FRMPD4: variants seen among roughly 807,000 people sequenced by gnomAD.
FRMPD4 encodes FERM and PDZ domain-containing protein 4.
FRMPD4 carries 22 observed loss-of-function variants against 94.1 expected under a neutral mutation model. That is an observed-to-expected ratio of 0.23 (90% CI 0.17 to 0.33). The LOEUF is 0.33. FRMPD4 is among the 10% of genes least tolerant of loss of function. The pLI is 1.00. For synonymous variants in FRMPD4, 631 were observed against 548.6 expected, an observed-to-expected ratio of 1.15 and a Z score of -2.10; for missense variants, 1,111 against 1,339.9, an observed-to-expected ratio of 0.83 and a Z score of 2.67.
At chrX:11,868,310 G>T (rs1355836554) in intron 2 of FRMPD4, among the ~76,000 whole-genome samples, 1 of 111,791 alleles carries the variant, frequency 8.9e-6, no homozygotes, top group Non-Finnish European at 1.9e-5. Context: ...GTGATGGAAG[G>T]TGAGCCAAAT....
At chrX:12,165,543 G>C (rs2056102038) in intron 1 of FRMPD4, among the ~76,000 whole-genome samples, 1 of 111,399 alleles carries the variant, frequency 9.0e-6, no homozygotes, top group Non-Finnish European at 1.9e-5. Context: ...GCTCTTTTTT[G>C]GTTCCATACG....
At chrX:12,705,831 C>T (rs1254493874) in intron 11 of FRMPD4, among the ~76,000 whole-genome samples, 7 of 111,656 alleles carry the variant, frequency 6.3e-5, no homozygotes, top group African/African-American at 2.3e-4. Context: ...TTTTTCTAGC[C>T]AAGAGTGAAT....
intron 1 of FRMPD4, among the ~76,000 whole-genome samples, chrX:12,435,542 T>C (rs897982848): frequency 5.1e-5 from 5 of 98,178 alleles, no homozygotes; most frequent in Admixed American, 2.3e-4. Flanking sequence ...GTTTCCCTCT[T>C]TTCTAGCTTA....
intron 3 of FRMPD4, among the ~76,000 whole-genome samples, chrX:11,893,856 C>T (rs1290276724): frequency 9.0e-6 from 1 of 111,648 alleles, no homozygotes; most frequent in African/African-American, 3.3e-5. Context: ...GAAAAAGAGG[C>T]AGTGACCATT....
intron 1 of FRMPD4, among the ~76,000 whole-genome samples, chrX:12,418,286 C>T (rs1299187702): frequency 9.2e-6 from 1 of 108,236 alleles, no homozygotes; most frequent in Admixed American, 9.8e-5. Context: ...AATTGGGTGA[C>T]ACTGAGCTAT....
At chrX:12,564,183 A>C (rs760640196) in intron 2 of FRMPD4, among the ~76,000 whole-genome samples, 5 of 112,192 alleles carry the variant, frequency 4.5e-5, no homozygotes, top group African/African-American at 1.3e-4. Flanking sequence ...CTCATGACCT[A>C]GTCATCTCCC....
intron 3 of FRMPD4, among the ~76,000 whole-genome samples, chrX:11,889,767 C>G (rs1454322234): frequency 2.7e-5 from 3 of 112,227 alleles, no homozygotes; most frequent in Non-Finnish European, 5.6e-5. Context: ...GCTGGAATGT[C>G]CGAGAGGACT....
At chrX:12,639,493 T>C (rs1602246279) in intron 4 of FRMPD4, among the ~76,000 whole-genome samples, 1 of 112,201 alleles carries the variant, frequency 8.9e-6, no homozygotes, top group African/African-American at 3.2e-5. Flanking sequence ...AAAACTTTTT[T>C]CCCCTTGAAA....
At position 12,539,135 on chromosome X, in the gene FRMPD4, C is replaced by T. The variant is rs185956113; in HGVS notation, c.158+40339C>T. 5.4e-3 allele frequency among the ~76,000 whole-genome samples: 611 copies of T among 112,297 alleles called. 4 individuals carry two copies. Among genetic ancestry groups the T allele is most frequent in the African/African-American group, 0.019 (574 of 30,909 alleles). ...AAACTATGGCACGAGAACTACATGA[C>T]GCTTGCACAAGCTTCAGTAGCCGAT... On this transcript the variant is annotated intron_variant, in intron 2 of 16. Coordinates refer to ENST00000675598, the MANE Select transcript of FRMPD4 (RefSeq NM_001368397.1).
intron 5 of FRMPD4, among the ~76,000 whole-genome samples, chrX:12,681,518 G>A (rs978602090): frequency 1.8e-5 from 2 of 111,140 alleles, no homozygotes; most frequent in African/African-American, 3.3e-5. Context: ...TTTTAAAGAC[G>A]GCAGCCATTC....
Position 12,170,367 on chromosome X carries a change from C to G in FRMPD4, c.41+31355C>G, listed in dbSNP as rs141995433. The stretch of plus-strand genomic sequence containing the variant: ...AATTGCCATTTATTATAAGATGAAC[C>G]TGGAATCTTTAAAATCCAGTAGATA... On this transcript the variant is annotated intron_variant, in intron 1 of 16. Transcript: ENST00000675598. 1.4e-4 allele frequency among the ~76,000 whole-genome samples: 15 copies of G among 110,277 alleles called. 2 individuals carry two copies. In the East Asian group the frequency reaches 3.4e-3, roughly 25 times the overall value.
At chrX:12,681,734 C>G (rs1255896412) in intron 5 of FRMPD4, among the ~76,000 whole-genome samples, 1 of 110,950 alleles carries the variant, frequency 9.0e-6, no homozygotes, top group Non-Finnish European at 1.9e-5. Context: ...CACACACACG[C>G]ACCCCACACA....
intron 7 of FRMPD4, among the ~76,000 whole-genome samples, chrX:12,689,359 G>A (rs1213448572): frequency 4.5e-5 from 5 of 111,435 alleles, no homozygotes; most frequent in African/African-American, 1.6e-4. Context: ...TATTATTATG[G>A]TGCCCTCACT....
intron 1 of FRMPD4, among the ~76,000 whole-genome samples, chrX:12,484,973 C>T (rs1335834957): frequency 8.9e-6 from 1 of 112,227 alleles, no homozygotes; most frequent in Non-Finnish European, 1.9e-5. Flanking sequence ...TGTAAAGGTC[C>T]AGATGGTAAA....
At chrX:11,831,154 G>C (rs73495535) in intron 1 of FRMPD4, among the ~76,000 whole-genome samples, 2,853 of 109,179 alleles carry the variant, frequency 0.026, 103 homozygotes, top group African/African-American at 0.091. Flanking sequence ...ATTGGGACAG[G>C]GTAAGACTGA....
chrX:12,450,034 C>T (rs2057246598), intron 1 of FRMPD4, among the ~76,000 whole-genome samples: 1 of 110,086 alleles, frequency 9.1e-6, no homozygotes, highest in Admixed American at 9.7e-5. Flanking sequence ...ATTATTTGAA[C>T]TGGCTCTCCT....
intron 1 of FRMPD4, among the ~76,000 whole-genome samples, chrX:12,413,305 T>C (rs1483939590): frequency 8.9e-6 from 1 of 112,060 alleles, no homozygotes; most frequent in Non-Finnish European, 1.9e-5. Context: ...TCACCCAGTA[T>C]GGTAGCTGGC....
Position 11,848,869 on chromosome X carries a change from C to T in FRMPD4, c.-160-16217C>T, listed in dbSNP as rs777932998. 4.5e-5 allele frequency among the ~76,000 whole-genome samples: 5 copies of T among 111,485 alleles called. No individual in the cohort carries two copies. In the East Asian group the frequency reaches 8.4e-4, roughly 19 times the overall value. Reference sequence around the variant, plus strand: ...GACATCATACTCAATTGTGAAAGACCGAAAGCTTTTCTTCTAAGATCAGGA... The same window carrying T: ...GACATCATACTCAATTGTGAAAGACTGAAAGCTTTTCTTCTAAGATCAGGA... On this transcript the variant is annotated intron_variant, in intron 1 of 18. Transcript: ENST00000640291.
intron 1 of FRMPD4, among the ~76,000 whole-genome samples, chrX:12,392,132 C>T (rs1035580056): frequency 3.7e-5 from 4 of 108,942 alleles, no homozygotes; most frequent in African/African-American, 1.3e-4. Context: ...CCCCACTCCC[C>T]GAGGTTCAAG....
Sources: gnomAD v4.1 joint callset for allele counts (sites outside exome capture counted in the v4.1 genomes callset) on GRCh38, gnomAD v4.1.1 for gene constraint, MANE v1.5 for transcripts, NCBI Gene and HGNC (gene_info 2026-07-23, HGNC 2026-07-21) for gene names.